The following PSEN1 variants were observed in gnomAD, a reference collection of about 807,000 sequenced individuals.
The protein encoded by PSEN1 is presenilin 1.
Under a neutral mutation model 53.5 loss-of-function variants are expected in PSEN1, and 15 were observed. The ratio of observed to expected loss-of-function variants is 0.28; its 90% CI spans 0.19 to 0.43. The LOEUF (loss-of-function observed/expected upper bound fraction) is 0.43. PSEN1 is among the 20% of genes least tolerant of loss of function. PSEN1 has a pLI of 1.00. For synonymous variants in PSEN1, 208 were observed against 209.8 expected (o/e 0.99, Z 0.08); for missense variants, 387 against 571.2 (o/e 0.68, Z 3.29).
chr14:73,201,376 G>A (rs1899183549), intron 8 of PSEN1, among the ~76,000 whole-genome samples: 1 of 152,296 alleles, frequency 6.6e-6, no homozygotes, highest in Non-Finnish European at 1.5e-5. Flanking sequence ...GTGAGCCACC[G>A]CGCCTGGCCG....
intron 3 of PSEN1, among the ~76,000 whole-genome samples, chr14:73,154,478 A>G (rs1007433888): frequency 5.3e-5 from 8 of 151,242 alleles, no homozygotes; most frequent in Admixed American, 6.6e-5. Context: ...GTGTGCTTCT[A>G]TGGTCCCAGC....
At chr14:73,175,789 T>C (rs1194059423) in intron 5 of PSEN1, among the ~76,000 whole-genome samples, 1 of 152,220 alleles carries the variant, frequency 6.6e-6, no homozygotes, top group Non-Finnish European at 1.5e-5. Context: ...TTCAAATTAT[T>C]TCCTTAGGGT....
At chr14:73,161,814 A>G (rs988514475) in intron 3 of PSEN1, among the ~76,000 whole-genome samples, 2 of 152,092 alleles carry the variant, frequency 1.3e-5, no homozygotes, top group Non-Finnish European at 2.9e-5. Flanking sequence ...TCACATTATT[A>G]GCGGAAACTT....
At chr14:73,168,450 A>G (rs1020388850) in intron 3 of PSEN1, 16 of 152,172 alleles carry the variant, frequency 1.1e-4, no homozygotes, top group African/African-American at 3.9e-4. Flanking sequence ...TGTTGGGAAT[A>G]CAAGCAGCTG....
chr14:73,180,929 GAA>G (rs1279016181), intron 5 of PSEN1, among the ~76,000 whole-genome samples: 2 of 152,156 alleles, frequency 1.3e-5, no homozygotes, highest in Non-Finnish European at 1.5e-5. Flanking sequence ...TCAGTAATTA[GAA>G]AAAGTTTGTA....
In PSEN1 at chr14:73,220,915, C is replaced by A. The variant is rs886050669; in HGVS notation, c.*1626C>A. 2 of 152,124 alleles carry A rather than the reference C, an allele frequency of 1.3e-5. No homozygotes were observed. The highest frequency in any genetic ancestry group is 1.5e-5 in the Non-Finnish European group (1 of 68,030). The allele number at this position is 152,124 out of a possible 1,614,324, so 9.4% of individuals were successfully genotyped here. On this transcript the variant is annotated 3_prime_UTR_variant, in exon 12 of 12. Transcript: ENST00000324501. Reference sequence around the variant, plus strand: ...AGAGCCCTTAGCTATGCTGATCAGACCGTAAGCGTTTATGAGAAACTTAGT... The same window carrying A: ...AGAGCCCTTAGCTATGCTGATCAGAACGTAAGCGTTTATGAGAAACTTAGT...
At chr14:73,180,797 T>C (rs1898188005) in intron 5 of PSEN1, among the ~76,000 whole-genome samples, 1 of 152,184 alleles carries the variant, frequency 6.6e-6, no homozygotes. Context: ...TTGAAATGTG[T>C]GTGTATAACA....
intron 6 of PSEN1, among the ~76,000 whole-genome samples, chr14:73,190,362 G>T (rs539817972): frequency 3.3e-5 from 5 of 151,864 alleles, no homozygotes; most frequent in Non-Finnish European, 5.9e-5. Context: ...GGTGGTGCAT[G>T]CCTGTAGCCC....
In PSEN1 at chr14:73,219,143, C is replaced by T. The variant is rs776278107; in HGVS notation, c.1258C>T (p.Leu420Phe). The change falls in exon 12 of 12, where the codon CTT becomes TTT. Residue 420 changes from leucine to phenylalanine, a missense_variant. Around this residue, in one of 4 missense-constraint regions of PSEN1, gnomAD observed 44 missense variants for 106.3 expected, o/e 0.41. Transcript: ENST00000324501. ...CFVAILIGLCLTLLLLAIFKK... is the reference protein window; with the variant it reads ...CFVAILIGLCFTLLLLAIFKK... ...CCCATCTTCTCCACAGGGTTTGTGC[C>T]TTACATTATTACTCCTTGCCATTTT... 1 of 1,613,986 alleles carries T rather than the reference C, an allele frequency of 6.2e-7. No homozygotes were observed. Among genetic ancestry groups the T allele is most frequent in the South Asian group, 1.1e-5 (1 of 91,070 alleles).
At chr14:73,167,439 A>G (rs1045698804) in intron 3 of PSEN1, among the ~76,000 whole-genome samples, 26 of 152,350 alleles carry the variant, frequency 1.7e-4, no homozygotes, top group African/African-American at 6.3e-4. Flanking sequence ...GCAAAATCTG[A>G]AACACTTCTG....
At chr14:73,137,875 G>A (rs892328652) in intron 1 of PSEN1, among the ~76,000 whole-genome samples, 2 of 152,102 alleles carry the variant, frequency 1.3e-5, no homozygotes, top group African/African-American at 4.8e-5. Context: ...GAGCTGAGGA[G>A]TTCGAGACCA....
rs376433615 is a variant in PSEN1 at position 73,211,876 on chromosome 14, C to T, written c.1063C>T (p.Pro355Ser). ...DSHLGPHRST[P>S]ESRAAVQELS... ...TCATCTAGGGCCTCATCGCTCTACA[C>T]CTGAGTCACGAGCTGCTGTCCAGGA... The change falls in exon 10 of 12, where the codon CCT becomes TCT. Residue 355 changes from proline (P) to serine (S), a missense_variant. By Grantham distance (74) the Pro-to-Ser change is moderately conservative (BLOSUM62 -1). This residue lies in a region of PSEN1 where 75 missense variants were observed against 63.7 expected (regional missense o/e 1.18). Coordinates refer to ENST00000324501, the MANE Select transcript of PSEN1 (RefSeq NM_000021.4). The T allele has an allele frequency of 3.2e-5, 51 of 1,613,872 alleles. No individual in the cohort carries two copies. The African/African-American group carries it at 4.8e-4, about 15-fold the overall frequency.
At chr14:73,140,168 C>T (rs1461947432) in intron 1 of PSEN1, among the ~76,000 whole-genome samples, 1 of 150,480 alleles carries the variant, frequency 6.6e-6, no homozygotes, top group Non-Finnish European at 1.5e-5. Flanking sequence ...GTTCTGAAAT[C>T]CGAAAACTAA....
At chr14:73,187,109 C>A (rs1013056433) in intron 6 of PSEN1, among the ~76,000 whole-genome samples, 189 bp downstream of exon 6, 4 of 152,174 alleles carry the variant, frequency 2.6e-5, no homozygotes, top group Non-Finnish European at 4.4e-5. Flanking sequence ...TTGCTCCTTG[C>A]TTATAATAAG....
At chr14:73,187,769 C>T (rs61986892) in intron 6 of PSEN1, among the ~76,000 whole-genome samples, 2,191 of 151,908 alleles carry the variant, frequency 0.014, 32 homozygotes, top group Middle Eastern at 0.024. Context: ...GTGTTCCGAA[C>T]ATATAAAAAG....
intron 5 of PSEN1, among the ~76,000 whole-genome samples, chr14:73,177,877 T>C (rs888167899): frequency 1.3e-5 from 2 of 152,222 alleles, no homozygotes; most frequent in Non-Finnish European, 2.9e-5. Flanking sequence ...ACTGAGCTTT[T>C]TGAATCTCTA....
rs536677504 is a variant in PSEN1, at chr14:73,175,468, C to T, written c.480+1761C>T. 2.0e-5 allele frequency among the ~76,000 whole-genome samples: 3 copies of T among 150,822 alleles called. No individual in the cohort carries two copies. In the South Asian group the frequency reaches 6.3e-4, roughly 32 times the overall value. The stretch of plus-strand genomic sequence containing the variant: ...ACCAGCCTGAGCAACATAGTAAGAC[C>T]TATCTCTACCAAAAAAAAAAAAAAT... On this transcript the variant is annotated intron_variant, in intron 5 of 11. Transcript: ENST00000324501.
chr14:73,197,701 G>A, intron 7 of PSEN1: 1 of 321,924 alleles, frequency 3.1e-6, no homozygotes, highest in Non-Finnish European at 5.9e-6. Flanking sequence ...GCTTAAAATA[G>A]TCTATCTCAT....
chr14:73,148,151 C>T, intron 3 of PSEN1, 45 bp downstream of exon 3: 1 of 1,418,546 alleles, frequency 7.0e-7, no homozygotes, highest in Non-Finnish European at 9.9e-7. Context: ...ACTGGATTCA[C>T]TTATCATCTC....
Sources: allele counts gnomAD v4.1 joint callset (sites outside exome capture counted in the v4.1 genomes callset), GRCh38; gene constraint gnomAD v4.1.1; regional missense constraint gnomAD v4.1.1; transcripts MANE v1.5; gene names NCBI Gene and HGNC (gene_info 2026-07-23, HGNC 2026-07-21).